The following DMD variants were observed in gnomAD, a reference collection of about 807,000 sequenced individuals.
The protein encoded by DMD is dystrophin.
Under a neutral mutation model 330.1 loss-of-function variants are expected in DMD, and 63 were observed. The observed-to-expected ratio is 0.19, with a 90% CI of 0.16 to 0.24. The LOEUF (loss-of-function observed/expected upper bound fraction) is 0.24. DMD is among the 10% of genes least tolerant of loss of function. The pLI, the probability that DMD is intolerant of heterozygous loss-of-function variation, is 1.00. For missense variants in DMD, 3,344 were observed against 2,684.1 expected (o/e 1.25, Z -5.43); for synonymous variants, 1,223 against 959.8 (o/e 1.27, Z -5.07).
intron 20 of DMD, among the ~76,000 whole-genome samples, chrX:32,487,043 T>G (rs888508060): frequency 6.3e-5 from 7 of 110,808 alleles, no homozygotes; most frequent in African/African-American, 2.3e-4. Flanking sequence ...CAAAAGAAAC[T>G]ACCATCAGAG....
Position 32,346,026 on chromosome X carries a change from G to T in DMD, c.5503C>A (p.Gln1835Lys), listed in dbSNP as rs1225638867. Residue 1835 changes from glutamine (Q) to lysine (K), a missense_variant, in exon 39 of 79, where the codon CAA (glutamine) becomes AAA (lysine). Gln to Lys is a moderately conservative substitution (Grantham distance 53). Coordinates refer to ENST00000357033, the MANE Select transcript of DMD (RefSeq NM_004006.3). Reference protein sequence around the residue: ...KELLQRGDNLQQRITDERKRE... With the variant: ...KELLQRGDNLKQRITDERKRE... ...TTTCTCTCATCTGTGATTCTTTGTTGTAAGTTGTCTCCTCTTTGCAACAAT... is the reference window on the plus strand; with the variant it reads ...TTTCTCTCATCTGTGATTCTTTGTTTTAAGTTGTCTCCTCTTTGCAACAAT... 9 of 1,206,954 alleles carry T rather than the reference G, an allele frequency of 7.5e-6. No homozygotes were observed. Among genetic ancestry groups the T allele is most frequent in the African/African-American group, 1.8e-5 (1 of 56,916 alleles).
chrX:32,886,743 A>T (rs961219642), intron 2 of DMD, among the ~76,000 whole-genome samples: 1 of 112,069 alleles, frequency 8.9e-6, no homozygotes, highest in Non-Finnish European at 1.9e-5. Flanking sequence ...GTCTAAAAGG[A>T]AACAAAATGG....
chrX:32,690,413 A>G lies in DMD; in HGVS notation c.960+7457T>C, dbSNP rs186367880. The stretch of plus-strand genomic sequence containing the variant: ...ATGGATCGAAGGACTTAAAATTGTC[A>G]TTACATTCAAAGAAATCTACAGAAC... On this transcript the variant is annotated intron_variant, in intron 9 of 78. Transcript: ENST00000357033. 3.5e-3 allele frequency among the ~76,000 whole-genome samples: 392 copies of G among 111,651 alleles called. 5 individuals are homozygous for G. Among genetic ancestry groups the G allele is most frequent in the Admixed American group, 0.03 (312 of 10,480 alleles).
chrX:32,756,219 G>C (rs2071485922), intron 7 of DMD: 1 of 111,993 alleles, frequency 8.9e-6, no homozygotes, highest in African/African-American at 3.2e-5. Flanking sequence ...AGACAAAAAA[G>C]TTTAAAAATA....
At chrX:32,292,144 TG>T (rs1433366001) in intron 42 of DMD, among the ~76,000 whole-genome samples, 1 of 110,043 alleles carries the variant, frequency 9.1e-6, no homozygotes, top group East Asian at 2.9e-4. Flanking sequence ...TCCACAATTC[TG>T]GGATTTCTCT....
intron 23 of DMD, among the ~76,000 whole-genome samples, chrX:32,466,400 G>T (rs1421093642): frequency 9.0e-6 from 1 of 111,016 alleles, no homozygotes; most frequent in African/African-American, 3.3e-5. Flanking sequence ...TTTCCTTCCT[G>T]CCTACTGTGA....
chrX:32,927,224 T>G (rs2089122262), intron 2 of DMD, among the ~76,000 whole-genome samples: 1 of 111,693 alleles, frequency 9.0e-6, no homozygotes, highest in African/African-American at 3.3e-5. Context: ...ACTCTGAATC[T>G]AACTTGTTTT....
intron 44 of DMD, among the ~76,000 whole-genome samples, chrX:32,192,649 CT>C (rs2096981024): frequency 9.0e-6 from 1 of 111,685 alleles, no homozygotes; most frequent in Non-Finnish European, 1.9e-5. Flanking sequence ...GCCCAGTGGC[CT>C]TTAGACTCTG....
chrX:31,288,390 C>T (rs16989494), intron 62 of DMD, among the ~76,000 whole-genome samples: 1,918 of 111,750 alleles, frequency 0.017, 45 homozygotes, highest in African/African-American at 0.058. Context: ...TATCTTCAAT[C>T]TTTTTCAAAG....
At chrX:32,556,118 A>C (rs774320814) in intron 16 of DMD, among the ~76,000 whole-genome samples, 27 of 112,239 alleles carry the variant, frequency 2.4e-4, no homozygotes, top group African/African-American at 8.4e-4. Context: ...AATTTACAAG[A>C]AAAAAACAAA....
At chrX:32,360,563 G>A (rs2097828166) in intron 37 of DMD, among the ~76,000 whole-genome samples, 2 of 110,773 alleles carry the variant, frequency 1.8e-5, no homozygotes, top group African/African-American at 3.3e-5. Context: ...CCAGGCAGGA[G>A]GATCACTTGA....
chrX:32,409,497 C>A (rs1466671592), intron 30 of DMD, among the ~76,000 whole-genome samples: 1 of 111,412 alleles, frequency 9.0e-6, no homozygotes, highest in African/African-American at 3.3e-5. Context: ...GAATCCATTT[C>A]TAAATAAGAA....
chrX:32,858,538 C>T (rs902361168), intron 2 of DMD, among the ~76,000 whole-genome samples: 7 of 111,314 alleles, frequency 6.3e-5, no homozygotes, highest in African/African-American at 2.3e-4. Context: ...CTATGTTGGT[C>T]AGGCTTGTCT....
At chrX:31,597,773 T>G (rs2148183856) in intron 55 of DMD, among the ~76,000 whole-genome samples, 1 of 112,011 alleles carries the variant, frequency 8.9e-6, no homozygotes, top group African/African-American at 3.2e-5. Context: ...TTGTTAGTAT[T>G]AATAATAACT....
intron 1 of DMD, among the ~76,000 whole-genome samples, chrX:33,265,129 AG>A (rs1415381813): frequency 9.0e-6 from 1 of 110,709 alleles, no homozygotes; most frequent in Non-Finnish European, 1.9e-5. Flanking sequence ...TCTAAAACTT[AG>A]GGGGACTTTA....
intron 5 of DMD, among the ~76,000 whole-genome samples, chrX:32,821,758 T>C (rs1372187557): frequency 1.8e-5 from 2 of 110,057 alleles, no homozygotes; most frequent in Admixed American, 9.7e-5. Context: ...AAAAGGCAAA[T>C]ACATATGGAC....
chrX:32,342,178 A>G lies in DMD; in HGVS notation c.5844T>C (p.Thr1948=), dbSNP rs1169477197. 8.3e-7 allele frequency: 1 copy of G among 1,210,811 alleles called. No homozygotes were observed. Among genetic ancestry groups the G allele is most frequent in the Non-Finnish European group, 1.1e-6 (1 of 894,804 alleles). ...EDGAAMAVEP[T]QIQLSKRWRE... is the part of the protein sequence containing the mutation. ...GCCAGCGCTTGCTGAGCTGGATCTG[A>G]GTTGGCTCCACTGCCATTGCGGCCC... The change falls in exon 41 of 79, where the codon ACT becomes ACC. Residue 1948 remains threonine (T), a synonymous_variant. Coordinates refer to ENST00000357033, the MANE Select transcript of DMD (RefSeq NM_004006.3).
At chrX:32,521,110 C>A (rs768629103) in intron 17 of DMD, among the ~76,000 whole-genome samples, 1 of 111,874 alleles carries the variant, frequency 8.9e-6, no homozygotes, top group Non-Finnish European at 1.9e-5. Context: ...GTCATTCCCA[C>A]TACCTACATT....
chrX:33,260,677 G>A (rs2052939231), intron 1 of DMD, among the ~76,000 whole-genome samples: 2 of 111,361 alleles, frequency 1.8e-5, no homozygotes, highest in South Asian at 7.4e-4. Flanking sequence ...TTATATAAAA[G>A]CCTATCAAAA....
Sources: gnomAD v4.1 joint callset for allele counts (sites outside exome capture counted in the v4.1 genomes callset) on GRCh38, gnomAD v4.1.1 for gene constraint, MANE v1.5 for transcripts, NCBI Gene and HGNC (gene_info 2026-07-23, HGNC 2026-07-21) for gene names.